Variants in RBFOX3 observed in about 807,000 individuals in gnomAD.
The protein encoded by RBFOX3 is RNA binding protein fox-1 homolog 3.
Under a neutral mutation model 48.7 loss-of-function variants are expected in RBFOX3, and 17 were observed. The ratio of observed to expected loss-of-function variants is 0.35; its 90% CI spans 0.24 to 0.52. The LOEUF (loss-of-function observed/expected upper bound fraction) is 0.52, where lower values mean the gene tolerates loss of function less well. RBFOX3 is among the 20% of genes least tolerant of loss of function. RBFOX3 has a pLI of 0.94. For synonymous variants in RBFOX3, 212 were observed against 209.5 expected (o/e 1.01, Z -0.10); for missense variants, 382 against 497.5 (o/e 0.77, Z 2.21).
At chr17:79,645,441 G>T in the RBFOX3 span, among the ~76,000 whole-genome samples, 2 of 152,226 alleles carry the variant, frequency 1.3e-5, no homozygotes, top group Admixed American at 1.3e-4. Flanking sequence ...ATCCTCCTCA[G>T]ATATCCTCAT....
chr17:79,296,272 G>T (rs921947832), intron 3 of RBFOX3, among the ~76,000 whole-genome samples: 1 of 150,208 alleles, frequency 6.7e-6, no homozygotes, highest in Non-Finnish European at 1.5e-5. Flanking sequence ...CCCCCACCCC[G>T]CAAAAAGGCA....
At position 79,488,188 on chromosome 17, in the gene RBFOX3, A is replaced by G. The variant is rs372157504; in HGVS notation, c.-319-5590T>C. Among the ~76,000 whole-genome samples the G allele has an allele frequency of 1.1e-4, 16 of 152,254 alleles. No individual in the cohort carries two copies. The East Asian group carries it at 3.1e-3, about 29-fold the overall frequency. On this transcript the variant is annotated intron_variant, in intron 1 of 14. Coordinates refer to ENST00000693108, the MANE Select transcript of RBFOX3 (RefSeq NM_001350451.2). ...TTTTTTTCCGCACATCTCCAAATAG[A>G]AGGCCACACTTGGACTTCAGCATGC...
rs895960742 is a variant in RBFOX3 at position 79,163,038 on chromosome 17, G to A, written c.-33-47290C>T. On this transcript the variant is annotated intron_variant, in intron 4 of 14. Transcript: ENST00000693108. ...GCCAGGGCTGTCTGGGGGAGAGAGG[G>A]TGACGGCGGGACCAAAACTGTGCCC... Among the ~76,000 whole-genome samples the A allele has an allele frequency of 2.0e-5, 3 of 152,226 alleles. No homozygotes were observed. In the South Asian group the frequency reaches 6.2e-4, roughly 32 times the overall value.
rs559792666 is a variant in RBFOX3, at chr17:79,415,937, C to A, written c.-175+66517G>T. Among the ~76,000 whole-genome samples, 5 of 152,238 alleles carry A rather than the reference C, an allele frequency of 3.3e-5. No homozygotes were observed. In the South Asian group the frequency reaches 1.0e-3, roughly 32 times the overall value. On this transcript the variant is annotated intron_variant, in intron 2 of 14. Transcript: ENST00000693108. ...CCCCTCCCACCTCCTCACCTGCAGACGCCCCCAGACTCTGAGAGTCTCTGC... is the reference window on the plus strand; with the variant it reads ...CCCCTCCCACCTCCTCACCTGCAGAAGCCCCCAGACTCTGAGAGTCTCTGC...
chr17:79,183,102 G>A lies in RBFOX3; in HGVS notation c.-34+52664C>T, dbSNP rs893846934. Among the ~76,000 whole-genome samples, 152 of 147,920 alleles carry A rather than the reference G, an allele frequency of 1.0e-3. 1 individual carries two copies. Among genetic ancestry groups the A allele is most frequent in the African/African-American group, 3.6e-3 (149 of 41,054 alleles). On this transcript the variant is annotated intron_variant, in intron 4 of 14. Coordinates refer to ENST00000693108, the MANE Select transcript of RBFOX3 (RefSeq NM_001350451.2). ...CCGCGCTCGGCCGCCGCGCAGGGGC[G>A]CAGTTCCCCCTACCCCAGCCCCGGC...
chr17:79,382,478 G>T (rs116387292), intron 2 of RBFOX3, among the ~76,000 whole-genome samples: 1 of 152,228 alleles, frequency 6.6e-6, no homozygotes, highest in Non-Finnish European at 1.5e-5. Flanking sequence ...TCCTCAGGGG[G>T]TTCTTGGGCA....
intron 4 of RBFOX3, among the ~76,000 whole-genome samples, chr17:79,156,436 C>CT (rs1419454029): frequency 6.6e-6 from 1 of 152,152 alleles, no homozygotes; most frequent in Non-Finnish European, 1.5e-5. Flanking sequence ...GCCCCACACA[C>CT]TGCGGGGGCA....
chr17:79,333,331 C>T (rs2080701476), intron 2 of RBFOX3, among the ~76,000 whole-genome samples: 1 of 152,166 alleles, frequency 6.6e-6, no homozygotes, highest in South Asian at 2.1e-4. Flanking sequence ...CCACACTGGC[C>T]TCCTGCGTAC....
chr17:79,297,325 T>G (rs1013570163), intron 3 of RBFOX3, among the ~76,000 whole-genome samples: 3 of 152,182 alleles, frequency 2.0e-5, no homozygotes, highest in African/African-American at 7.2e-5. Context: ...GTGCCCCTCA[T>G]GTGAGCTAGC....
intron 4 of RBFOX3, among the ~76,000 whole-genome samples, chr17:79,129,712 G>A (rs977586308): frequency 7.2e-5 from 11 of 152,246 alleles, no homozygotes; most frequent in African/African-American, 2.7e-4. Flanking sequence ...TGGCTCCGTG[G>A]GGAAAAGACT....
chr17:79,639,683 T>C, the RBFOX3 span, among the ~76,000 whole-genome samples: 1 of 152,208 alleles, frequency 6.6e-6, no homozygotes. Flanking sequence ...CAAGAATGGT[T>C]CAACATACAT....
At chr17:79,104,385 G>A (rs1407410087) in intron 6 of RBFOX3, among the ~76,000 whole-genome samples, 2 of 152,032 alleles carry the variant, frequency 1.3e-5, no homozygotes, top group Non-Finnish European at 2.9e-5. Context: ...GTGGGGACAG[G>A]GACAGCTCTC....
the RBFOX3 span, among the ~76,000 whole-genome samples, chr17:79,648,270 CA>C: frequency 6.6e-6 from 1 of 152,120 alleles, no homozygotes; most frequent in Non-Finnish European, 1.5e-5. Context: ...ACCTGCAGGA[CA>C]GGGAGCGGTG....
intron 3 of RBFOX3, among the ~76,000 whole-genome samples, chr17:79,256,348 C>G (rs1473508478): frequency 6.6e-6 from 1 of 152,172 alleles, no homozygotes; most frequent in Non-Finnish European, 1.5e-5. Context: ...AAAAAATTCC[C>G]TACACATAGC....
At chr17:79,458,439 G>A (rs782277414) in intron 2 of RBFOX3, among the ~76,000 whole-genome samples, 4 of 151,366 alleles carry the variant, frequency 2.6e-5, no homozygotes, top group East Asian at 1.9e-4. Context: ...ATATACACAC[G>A]TGTGTGCATC....
In RBFOX3 at chr17:79,499,370, CCATCCATCCACTATTCATTCATTCACT is replaced by C. The variant is rs1297483387; in HGVS notation, c.-319-16799_-319-16773del. 8.4e-3 allele frequency among the ~76,000 whole-genome samples: 1,277 copies of C among 152,192 alleles called. 12 individuals are homozygous for C. Among genetic ancestry groups the C allele is most frequent in the African/African-American group, 0.029 (1,186 of 41,506 alleles). ...TCCATCTATATATTCATCCATCCAT[CCATCCATCCACTATTCATTCATTCACT>C]CATCCATCCATGCATCCAACCTTCC... On this transcript the variant is annotated intron_variant, in intron 1 of 14. Coordinates refer to ENST00000693108, the MANE Select transcript of RBFOX3 (RefSeq NM_001350451.2).
chr17:79,565,941 T>C (rs1185003129), intron 1 of RBFOX3, among the ~76,000 whole-genome samples: 2 of 152,192 alleles, frequency 1.3e-5, no homozygotes, highest in Admixed American at 1.3e-4. Context: ...GCTTGGCTAT[T>C]TGGACCCCAG....
At position 79,421,918 on chromosome 17, in the gene RBFOX3, A is replaced by G. The variant is rs535518979; in HGVS notation, c.-175+60536T>C. Among the ~76,000 whole-genome samples the G allele has an allele frequency of 5.3e-5, 8 of 152,228 alleles. 1 individual carries two copies. The East Asian group carries it at 1.5e-3, about 29-fold the overall frequency. On this transcript the variant is annotated intron_variant, in intron 2 of 14. Transcript: ENST00000693108. This position sits in a 1 kb window ranked among gnomAD's most constrained non-coding sequence, Gnocchi z 4.5. ...ACCCCAAGCTGCCCGGTCCTCAGCAACTGGCCCCATGTTCCACAGGCTCAG... is the reference window on the plus strand; with the variant it reads ...ACCCCAAGCTGCCCGGTCCTCAGCAGCTGGCCCCATGTTCCACAGGCTCAG...
chr17:79,090,924 G>A (rs201471886), intron 14 of RBFOX3, 39 bp from the exon 15 acceptor site: 38 of 1,221,534 alleles, frequency 3.1e-5, no homozygotes, highest in African/African-American at 2.6e-4. Context: ...GCAGCTTCTC[G>A]GGGGAGGCAC....
Sources: gnomAD v4.1 joint callset for allele counts (sites outside exome capture counted in the v4.1 genomes callset) on GRCh38, gnomAD v4.1.1 for gene constraint, Gnocchi (gnomAD v3.1) non-coding constraint, MANE v1.5 for transcripts, NCBI Gene and HGNC (gene_info 2026-07-23, HGNC 2026-07-21) for gene names.